Variants in SUPT6H observed in about 807,000 individuals in gnomAD.
SUPT6H encodes the protein SPT6 homolog, histone chaperone and transcription elongation factor, also known as transcription elongation factor SPT6.
SUPT6H carries 11 observed loss-of-function variants against 222.3 expected under a neutral mutation model. That is an observed-to-expected ratio of 0.05 (90% CI 0.03 to 0.08). The LOEUF is 0.08. Ranked by LOEUF, SUPT6H falls within the 10% of genes least tolerant of loss-of-function variation. The probability of loss-of-function intolerance (pLI) is 1.00; values close to 1 mark genes in which losing one functional copy is unlikely to be tolerated. For synonymous variants in SUPT6H, 762 were observed against 801.2 expected, an observed-to-expected ratio of 0.95 and a Z score of 0.83; for missense variants, 1,422 against 2,216.0, an observed-to-expected ratio of 0.64 and a Z score of 7.19.
intron 11 of SUPT6H, 102 bp downstream of exon 11, chr17:28,679,065 C>T (rs2151626051): frequency 6.9e-7 from 1 of 1,453,862 alleles, no homozygotes; most frequent in Non-Finnish European, 9.3e-7. Context: ...GCACAGGGCC[C>T]CATCCCTTAG....
Position 28,676,312 on chromosome 17 carries a change from A to G in SUPT6H, c.779A>G (p.Lys260Arg). 2 of 1,613,992 alleles carry G rather than the reference A, an allele frequency of 1.2e-6. No homozygotes were observed. The highest frequency in any genetic ancestry group is 1.7e-6 in the Non-Finnish European group (2 of 1,180,004). The change falls in exon 7 of 37, where the codon AAG (lysine) becomes AGG (arginine). Residue 260 changes from lysine (K) to arginine (R), a missense_variant. Transcript: ENST00000314616. ...CGAGTGCGCCCCAAGAAGACCACCAAGAAGCGTGTGAGCCGTAGGAGCATC... is the reference window on the plus strand; with the variant it reads ...CGAGTGCGCCCCAAGAAGACCACCAGGAAGCGTGTGAGCCGTAGGAGCATC... Reference protein sequence around the residue: ...EIRVRPKKTTKKRVSRRSIFE... With the variant: ...EIRVRPKKTTRKRVSRRSIFE...
rs776752052 is a variant in SUPT6H at position 28,697,131 on chromosome 17, A to G, written c.4209+49A>G. 2.6e-6 allele frequency: 4 copies of G among 1,566,558 alleles called. No homozygotes were observed. The African/African-American group carries it at 4.1e-5, about 16-fold the overall frequency. ...TCCCATCCCACTCCTGCTTCCAGAA[A>G]GGTGCCCTTCAGGGTGCTTTCACCT... is the stretch of plus-strand genomic sequence containing the variant. On this transcript the variant is annotated intron_variant, in intron 30 of 36. Coordinates refer to ENST00000314616, the MANE Select transcript of SUPT6H (RefSeq NM_003170.5).
At chr17:28,671,060 T>G (rs1814445084) in intron 1 of SUPT6H, 1 of 152,148 alleles carries the variant, frequency 6.6e-6, no homozygotes, top group Non-Finnish European at 1.5e-5. Context: ...TTCTTGAGTT[T>G]AGTTAATCTC....
At chr17:28,670,113 C>G (rs531939512) in intron 1 of SUPT6H, 3 of 152,378 alleles carry the variant, frequency 2.0e-5, no homozygotes, top group Admixed American at 1.3e-4. Context: ...AACAGAGGGA[C>G]TGGCCCCTGG....
rs1462365015 is a variant in SUPT6H at position 28,702,116 on chromosome 17, A to T, written c.*491A>T. On this transcript the variant is annotated 3_prime_UTR_variant, in exon 37 of 37. Coordinates refer to ENST00000314616, the MANE Select transcript of SUPT6H (RefSeq NM_003170.5). ...ATGCCAACAGCCGGGTGGCTGTCCA[A>T]GCAGGATTGCAGGGGACACAGGGAA... 6.5e-6 allele frequency: 1 copy of T among 154,868 alleles called. No individual in the cohort carries two copies. Among genetic ancestry groups the T allele is most frequent in the African/African-American group, 2.4e-5 (1 of 41,406 alleles). The allele number at this position is 154,868 out of a possible 1,614,324, so 9.6% of individuals were successfully genotyped here.
At chr17:28,698,831 T>C (rs1457174769) in intron 32 of SUPT6H, among the ~76,000 whole-genome samples, 1 of 152,232 alleles carries the variant, frequency 6.6e-6, no homozygotes, top group Non-Finnish European at 1.5e-5. Flanking sequence ...ATCTGGAATA[T>C]TGTGCTCATT....
chr17:28,690,824 G>C, intron 26 of SUPT6H, 97 bp from the exon 27 acceptor site: 1 of 1,382,346 alleles, frequency 7.2e-7, no homozygotes, highest in South Asian at 1.3e-5. Context: ...TTCAAGGATG[G>C]GAAGGAAGTC....
In SUPT6H at chr17:28,683,836, ATTT is replaced by A. The variant is rs201577643; in HGVS notation, c.2229+34_2229+36del. ...ATAAAGGTGAGGACAGAGACTCATG[ATTT>A]TTTTTTTTTTTTTGGTGACAGAGTC... On this transcript the variant is annotated intron_variant, in intron 17 of 36. Coordinates refer to ENST00000314616, the MANE Select transcript of SUPT6H (RefSeq NM_003170.5). 1.5e-3 allele frequency: 2,134 copies of A among 1,397,324 alleles called. No individual in the cohort carries two copies. The highest frequency in any genetic ancestry group is 2.9e-3 in the Admixed American group (117 of 40,234). 86.6% of individuals were successfully genotyped at this position (1,397,324 alleles called of 1,614,324 possible).
rs755268901 is a variant in SUPT6H at position 28,701,049 on chromosome 17, C to G, written c.4915C>G (p.Gln1639Glu). 3 of 1,614,044 alleles carry G rather than the reference C, an allele frequency of 1.9e-6. No homozygotes were observed. The East Asian group carries it at 6.7e-5, about 36-fold the overall frequency. The stretch of plus-strand genomic sequence containing the variant: ...CACCACCCCTCAGTACCACCAGCTC[C>G]AGGCCAGCACCACCCCACAGTCGGC... ...PITTPQYHQL[Q>E]ASTTPQSAQA... Residue 1639 changes from glutamine to glutamate, a missense_variant, in exon 36 of 37, where the codon CAG becomes GAG. Physicochemically the swap from Gln to Glu is conservative, Grantham distance 29. Around this residue, in one of 13 missense-constraint regions of SUPT6H, gnomAD observed 395 missense variants for 580.6 expected, o/e 0.68. Transcript: ENST00000314616.
intron 1 of SUPT6H, among the ~76,000 whole-genome samples, chr17:28,664,973 C>G (rs1244120602): frequency 1.3e-5 from 2 of 152,164 alleles, no homozygotes; most frequent in Non-Finnish European, 2.9e-5. Context: ...TCCAAGCCAC[C>G]ACCATCTTTT....
At chr17:28,687,051 G>C (rs1478974810) in intron 21 of SUPT6H, 37 bp from the exon 22 acceptor site, 1 of 1,606,234 alleles carries the variant, frequency 6.2e-7, no homozygotes, top group Non-Finnish European at 8.5e-7. Context: ...GTAGCTAAGG[G>C]GATTTTAAGG....
intron 11 of SUPT6H, among the ~76,000 whole-genome samples, chr17:28,679,729 C>T (rs900169290): frequency 8.6e-5 from 13 of 151,698 alleles, no homozygotes; most frequent in African/African-American, 2.9e-4. Flanking sequence ...CGGTGGCTAA[C>T]GCTTGTAATC....
Position 28,682,874 on chromosome 17 carries a change from G to A in SUPT6H, c.1727+18G>A, listed in dbSNP as rs1283112468. The A allele has an allele frequency of 1.2e-6, 2 of 1,614,106 alleles. No individual in the cohort carries two copies. Among genetic ancestry groups the A allele is most frequent in the Non-Finnish European group, 1.7e-6 (2 of 1,179,990 alleles). On this transcript the variant is annotated intron_variant, in intron 14 of 36. Transcript: ENST00000314616. ...GTTTGCAGGTAGGCATGCAGCAGGT[G>A]GCTGACAGGAGGAGGGGCCTGAGGA...
intron 1 of SUPT6H, among the ~76,000 whole-genome samples, chr17:28,665,555 C>T (rs575816382): frequency 6.6e-6 from 1 of 152,088 alleles, no homozygotes; most frequent in Admixed American, 6.5e-5. Flanking sequence ...GTCAGGAGCT[C>T]GAGCCCAGGC....
intron 7 of SUPT6H, 141 bp downstream of exon 7, chr17:28,676,571 A>G (rs940658297): frequency 3.9e-6 from 5 of 1,287,996 alleles, no homozygotes; most frequent in Non-Finnish European, 4.2e-6. Context: ...TCCAGCTCTT[A>G]GAGAAGGGAA....
At chr17:28,687,255 T>A (rs749929703) in intron 22 of SUPT6H, 30 bp downstream of exon 22, 1 of 1,613,744 alleles carries the variant, frequency 6.2e-7, no homozygotes, top group Non-Finnish European at 8.5e-7. Context: ...CAGGCTCGGG[T>A]GAAGGGAAAG....
chr17:28,701,445 C>T lies in SUPT6H; in HGVS notation c.5001C>T (p.Asn1667=). The change falls in exon 37 of 37, where the codon AAC becomes AAT. Residue 1667 remains asparagine, a synonymous_variant. Transcript: ENST00000314616. ...SRQRQQQPKS[N]SHAAIDWGKM... Reference sequence around the variant, plus strand: ...ACTTTTCTTCCCCTCCCAGGTCCAACAGCCATGCAGCCATCGACTGGGGAA... The same window carrying T: ...ACTTTTCTTCCCCTCCCAGGTCCAATAGCCATGCAGCCATCGACTGGGGAA... 1.9e-6 allele frequency: 3 copies of T among 1,613,534 alleles called. No individual in the cohort carries two copies. Among genetic ancestry groups the T allele is most frequent in the Non-Finnish European group, 2.5e-6 (3 of 1,179,548 alleles).
At chr17:28,700,605 G>T in intron 35 of SUPT6H, 93 bp downstream of exon 35, 2 of 1,469,724 alleles carry the variant, frequency 1.4e-6, no homozygotes, top group Admixed American at 2.1e-5. Context: ...TGCACAGATG[G>T]GGCTGCCACG....
At position 28,697,138 on chromosome 17, in the gene SUPT6H, C is replaced by G. The variant is rs562115031; in HGVS notation, c.4209+56C>G. ...CCACTCCTGCTTCCAGAAAGGTGCC[C>G]TTCAGGGTGCTTTCACCTGACATTA... On this transcript the variant is annotated intron_variant, in intron 30 of 36. Coordinates refer to ENST00000314616, the MANE Select transcript of SUPT6H (RefSeq NM_003170.5). 2.8e-4 allele frequency: 418 copies of G among 1,508,646 alleles called. 1 individual carries two copies. The Admixed American group carries it at 7.0e-3, about 25-fold the overall frequency. The allele number at this position is 1,508,646 out of a possible 1,614,324, so 93.5% of individuals were successfully genotyped here. A position where few individuals can be genotyped will look rare whatever the true frequency, so the allele number is the denominator to read the frequency against.
Sources: gnomAD v4.1 joint callset for allele counts (sites outside exome capture counted in the v4.1 genomes callset) on GRCh38, gnomAD v4.1.1 for gene constraint, gnomAD v4.1.1 regional missense constraint, MANE v1.5 for transcripts, NCBI Gene and HGNC (gene_info 2026-07-23, HGNC 2026-07-21) for gene names.